The following MYO9A variants were observed in gnomAD, a reference collection of about 807,000 sequenced individuals.
MYO9A encodes unconventional myosin-IXa.
MYO9A carries 103 observed loss-of-function variants against 293.3 expected under a neutral mutation model. That is an observed-to-expected ratio of 0.35 (90% CI 0.30 to 0.41). The LOEUF is 0.41. MYO9A is among the 10% of genes least tolerant of loss of function. The probability of loss-of-function intolerance (pLI) is 1.00; values close to 1 mark genes in which losing one functional copy is unlikely to be tolerated. For missense variants in MYO9A, 2,685 were observed against 3,033.0 expected (o/e 0.89, Z 2.69); for synonymous variants, 1,001 against 1,035.7 (o/e 0.97, Z 0.64).
intron 1 of MYO9A, among the ~76,000 whole-genome samples, chr15:72,066,987 G>T (rs1401348801): frequency 6.7e-6 from 1 of 149,890 alleles, no homozygotes; most frequent in East Asian, 1.9e-4. Context: ...TATAATAAAT[G>T]TATTATTATA....
At chr15:71,921,618 C>G (rs1319779687) in intron 18 of MYO9A, among the ~76,000 whole-genome samples, 1 of 152,268 alleles carries the variant, frequency 6.6e-6, no homozygotes, top group South Asian at 2.1e-4. Flanking sequence ...TATATCTTAT[C>G]TAGCATAGCC....
chr15:71,989,691 TA>T (rs1311981856), intron 11 of MYO9A, among the ~76,000 whole-genome samples: 1 of 151,592 alleles, frequency 6.6e-6, no homozygotes, highest in Non-Finnish European at 1.5e-5. Flanking sequence ...ACACCAGCAA[TA>T]AAAACAAAAC....
At chr15:71,972,840 A>G (rs1470404613) in intron 12 of MYO9A, among the ~76,000 whole-genome samples, 1 of 152,118 alleles carries the variant, frequency 6.6e-6, no homozygotes, top group Non-Finnish European at 1.5e-5. Context: ...CATAGCTGCT[A>G]TGCTCGGTTA....
intron 19 of MYO9A, among the ~76,000 whole-genome samples, chr15:71,906,916 C>A (rs1415703411): frequency 1.3e-5 from 2 of 150,280 alleles, no homozygotes; most frequent in African/African-American, 2.4e-5. Context: ...GGCCCCACCA[C>A]CACACCCGGC....
intron 12 of MYO9A, among the ~76,000 whole-genome samples, chr15:71,976,022 T>G (rs950952725): frequency 6.6e-6 from 1 of 152,126 alleles, no homozygotes; most frequent in Non-Finnish European, 1.5e-5. Flanking sequence ...TCGGGCAAAT[T>G]AATTGAACTC....
At chr15:72,008,088 A>C (rs1363968718) in intron 7 of MYO9A, 136 bp from the exon 8 acceptor site, 20 of 1,078,738 alleles carry the variant, frequency 1.9e-5, no homozygotes, top group Non-Finnish European at 2.6e-5. Context: ...TATGGGAATA[A>C]TTACTAAAAT....
At position 71,823,787 on chromosome 15, in the gene MYO9A, T is replaced by G. The variant is rs746589231; in HGVS notation, c.*2793A>C. On this transcript the variant is annotated 3_prime_UTR_variant, in exon 42 of 42. Coordinates refer to ENST00000356056, the MANE Select transcript of MYO9A (RefSeq NM_006901.4). The stretch of plus-strand genomic sequence containing the variant: ...GAGAAGAGTGCTCTGCATTTTGGAG[T>G]ATGGGCTCCAAATGTGGAGCTGCCC... 6.6e-6 allele frequency: 1 copy of G among 152,066 alleles called. No homozygotes were observed. The highest frequency in any genetic ancestry group is 1.5e-5 in the Non-Finnish European group (1 of 68,016). 9.4% of individuals were successfully genotyped at this position (152,066 alleles called of 1,614,324 possible). A position where few individuals can be genotyped will look rare whatever the true frequency, so the allele number is the denominator to read the frequency against.
intron 17 of MYO9A, among the ~76,000 whole-genome samples, chr15:71,934,602 T>C (rs962769649): frequency 7.1e-6 from 1 of 140,742 alleles, no homozygotes; most frequent in African/African-American, 2.6e-5. Context: ...CTTTTTTTCC[T>C]TTTTTTTTTT....
intron 39 of MYO9A, among the ~76,000 whole-genome samples, chr15:71,840,652 C>T (rs113527107): frequency 0.074 from 11,176 of 151,842 alleles, 1,369 homozygotes; most frequent in African/African-American, 0.25. Flanking sequence ...TTTTTTGAGA[C>T]GGAGTCTTGC....
chr15:72,010,527 T>C (rs2077142123), intron 6 of MYO9A, 80 bp from the exon 7 acceptor site: 1 of 1,245,538 alleles, frequency 8.0e-7, no homozygotes, highest in East Asian at 2.5e-5. Flanking sequence ...TATGGTAATT[T>C]AGGATAGGTA....
intron 6 of MYO9A, among the ~76,000 whole-genome samples, chr15:72,015,255 T>C (rs2077297010): frequency 6.6e-6 from 1 of 152,124 alleles, no homozygotes; most frequent in Admixed American, 6.6e-5. Flanking sequence ...AAGACATGTT[T>C]AAGGGCGTGA....
At chr15:71,956,310 TAAAAAAAAAAAAAA>T (rs869151550) in intron 14 of MYO9A, among the ~76,000 whole-genome samples, 1 of 36,766 alleles carries the variant, frequency 2.7e-5, no homozygotes, top group African/African-American at 1.0e-4. Flanking sequence ...ACCCGGCTCT[TAAAAAAAAAAAAAA>T]AAAAAAATAT....
chr15:72,041,149 G>A (rs1233554407), intron 2 of MYO9A: 1 of 781,468 alleles, frequency 1.3e-6, no homozygotes, highest in Non-Finnish European at 2.2e-6. Context: ...GGAGGCTGAG[G>A]TGGGAGAATT....
At chr15:71,929,992 G>A (rs1370871267) in intron 18 of MYO9A, among the ~76,000 whole-genome samples, 1 of 152,136 alleles carries the variant, frequency 6.6e-6, no homozygotes, top group African/African-American at 2.4e-5. Flanking sequence ...TTTTTTGAAA[G>A]AGTTTGAATA....
At chr15:71,842,790 G>A (rs2055214314) in intron 39 of MYO9A, among the ~76,000 whole-genome samples, 1 of 151,540 alleles carries the variant, frequency 6.6e-6, no homozygotes, top group Non-Finnish European at 1.5e-5. Flanking sequence ...AACCCAGGAG[G>A]CGGAGCTTGC....
intron 1 of MYO9A, among the ~76,000 whole-genome samples, chr15:72,101,696 G>GCA: frequency 4.4e-5 from 6 of 136,094 alleles, no homozygotes; most frequent in East Asian, 4.7e-4. Flanking sequence ...GGTGGGGGGG[G>GCA]TCAGCCCCCC....
intron 1 of MYO9A, among the ~76,000 whole-genome samples, chr15:72,076,300 G>C (rs1367679357): frequency 3.8e-5 from 5 of 132,984 alleles, no homozygotes; most frequent in African/African-American, 1.4e-4. Flanking sequence ...GTGAGACTCT[G>C]TCTCAAAAAA....
intron 8 of MYO9A, among the ~76,000 whole-genome samples, chr15:72,006,713 G>A (rs1438774316): frequency 2.6e-5 from 4 of 152,140 alleles, no homozygotes; most frequent in Admixed American, 6.5e-5. Flanking sequence ...GGGATTCCAC[G>A]AAGGAATGTA....
chr15:72,072,904 T>TA (rs945563428), intron 1 of MYO9A, among the ~76,000 whole-genome samples: 9 of 150,924 alleles, frequency 6.0e-5, no homozygotes, highest in East Asian at 1.9e-4. Flanking sequence ...AAATTTAAAA[T>TA]AAAAAAAAAG....
Sources: gnomAD v4.1 joint callset for allele counts (sites outside exome capture counted in the v4.1 genomes callset) on GRCh38, gnomAD v4.1.1 for gene constraint, MANE v1.5 for transcripts, NCBI Gene and HGNC (gene_info 2026-07-23, HGNC 2026-07-21) for gene names.